Variants in TMTC3 observed in about 807,000 individuals in gnomAD.
TMTC3 encodes the protein transmembrane O-mannosyltransferase targeting cadherins 3, also known as protein O-mannosyl-transferase TMTC3.
In TMTC3, 52 loss-of-function variants were observed where a neutral mutation model predicts 92.2. The observed-to-expected ratio is 0.56, with a 90% CI of 0.45 to 0.71. TMTC3 has a LOEUF of 0.71. TMTC3 is among the 30% of genes least tolerant of loss of function. The probability of loss-of-function intolerance (pLI) is 0.00; values close to 1 mark genes in which losing one functional copy is unlikely to be tolerated. For missense variants in TMTC3, 896 were observed against 1,057.1 expected (o/e 0.85, Z 2.11); for synonymous variants, 339 against 363.3 (o/e 0.93, Z 0.76).
At chr12:88,146,489 C>T (rs369234328) in intron 1 of TMTC3, among the ~76,000 whole-genome samples, 19 of 151,582 alleles carry the variant, frequency 1.3e-4, no homozygotes, top group African/African-American at 4.6e-4. Context: ...AGAAATCTAC[C>T]CTTTAAAAGC....
chr12:88,173,011 A>C, intron 8 of TMTC3: 1 of 1,372,000 alleles, frequency 7.3e-7, no homozygotes, highest in Non-Finnish European at 9.6e-7. Context: ...GAAAACAAGG[A>C]TGTTACTGAG....
intron 4 of TMTC3, among the ~76,000 whole-genome samples, chr12:88,155,680 C>G (rs1317214973): frequency 6.6e-6 from 1 of 152,184 alleles, no homozygotes; most frequent in Non-Finnish European, 1.5e-5. Flanking sequence ...GTATTTCTGT[C>G]TTAGAAAAGC....
At chr12:88,150,237 C>A (rs2040925747) in intron 2 of TMTC3, among the ~76,000 whole-genome samples, 1 of 152,102 alleles carries the variant, frequency 6.6e-6, no homozygotes, top group African/African-American at 2.4e-5. Context: ...AAAGCAGGAG[C>A]AAGAGGAGTA....
At chr12:88,185,451 C>A (rs74904808) in intron 10 of TMTC3, among the ~76,000 whole-genome samples, 1 of 151,774 alleles carries the variant, frequency 6.6e-6, no homozygotes, top group African/African-American at 2.4e-5. Flanking sequence ...TATTCCTTCA[C>A]GTAGATATAC....
intron 1 of TMTC3, among the ~76,000 whole-genome samples, chr12:88,146,167 C>T (rs1367382267): frequency 6.6e-6 from 1 of 152,126 alleles, no homozygotes; most frequent in African/African-American, 2.4e-5. Flanking sequence ...TTGCAGGTGG[C>T]TCTTGGAAGT....
At chr12:88,146,776 G>A (rs2468226) in intron 1 of TMTC3, among the ~76,000 whole-genome samples, 139,774 of 150,682 alleles carry the variant, frequency 0.93, 64,945 homozygotes, top group East Asian at 0.99. Flanking sequence ...AATAAAACTT[G>A]AAACTATAGC....
At chr12:88,182,597 G>A (rs1408575432) in intron 10 of TMTC3, among the ~76,000 whole-genome samples, 1 of 152,096 alleles carries the variant, frequency 6.6e-6, no homozygotes, top group Non-Finnish European at 1.5e-5. Context: ...ACTTTTTCAG[G>A]TGCTATGACT....
chr12:88,191,710 C>CTGTT (rs34463654), intron 12 of TMTC3, among the ~76,000 whole-genome samples: 6,595 of 151,500 alleles, frequency 0.044, 229 homozygotes, highest in Non-Finnish European at 0.067. Flanking sequence ...AGTCCTTTTT[C>CTGTT]TGTTTGTTTG....
intron 10 of TMTC3, among the ~76,000 whole-genome samples, chr12:88,188,157 A>G (rs1015141478): frequency 6.6e-6 from 1 of 152,174 alleles, no homozygotes; most frequent in African/African-American, 2.4e-5. Context: ...AAGTAATACT[A>G]TTATCATTAT....
At chr12:88,144,154 A>C (rs1254218065) in intron 1 of TMTC3, among the ~76,000 whole-genome samples, 2 of 152,174 alleles carry the variant, frequency 1.3e-5, no homozygotes, top group Non-Finnish European at 2.9e-5. Context: ...TATGATCAGT[A>C]TCTTGTGCCC....
intron 6 of TMTC3, among the ~76,000 whole-genome samples, chr12:88,161,501 G>T (rs1312860527): frequency 6.6e-6 from 1 of 151,808 alleles, no homozygotes; most frequent in East Asian, 1.9e-4. Context: ...TTGTTGTTTG[G>T]TCAGATAATC....
intron 10 of TMTC3, among the ~76,000 whole-genome samples, chr12:88,177,970 C>G (rs1349029243): frequency 6.6e-6 from 1 of 152,126 alleles, no homozygotes; most frequent in South Asian, 2.1e-4. Context: ...AACAGGGAGC[C>G]AGGGTCTGTG....
chr12:88,193,979 G>A (rs956693498), intron 13 of TMTC3, among the ~76,000 whole-genome samples: 1 of 151,930 alleles, frequency 6.6e-6, no homozygotes, highest in Non-Finnish European at 1.5e-5. Flanking sequence ...CTAACACTTA[G>A]GGAGGCCAGG....
At position 88,154,278 on chromosome 12, in the gene TMTC3, T is replaced by C; in HGVS notation, c.409-10T>C. The C allele has an allele frequency of 6.3e-7, 1 of 1,582,536 alleles. No homozygotes were observed. Among genetic ancestry groups the C allele is most frequent in the East Asian group, 2.3e-5 (1 of 44,146 alleles). ...TATTAATATGAACCCCCTTCATTTT[T>C]CCTTTCTAGGTAACAGGAGTTGTTG... On this transcript the variant is annotated splice_polypyrimidine_tract_variant and intron_variant, in intron 3 of 13. Coordinates refer to ENST00000266712, the MANE Select transcript of TMTC3 (RefSeq NM_181783.4).
rs570964459 is a variant in TMTC3, at chr12:88,148,942, C to T, written c.189+438C>T. Among the ~76,000 whole-genome samples the T allele has an allele frequency of 2.0e-5, 3 of 152,174 alleles. No homozygotes were observed. The South Asian group carries it at 6.2e-4, about 32-fold the overall frequency. ...TATAGGGAGAGCAATAGGTGTAATA[C>T]ATGCCTGTTTCTTGCTAATTGACTT... On this transcript the variant is annotated intron_variant, in intron 2 of 13. Transcript: ENST00000266712.
intron 4 of TMTC3, among the ~76,000 whole-genome samples, chr12:88,155,878 A>G (rs2041002922): frequency 6.6e-6 from 1 of 152,098 alleles, no homozygotes; most frequent in Non-Finnish European, 1.5e-5. Flanking sequence ...TGGGAGGCTG[A>G]GGTGGGCGGA....
At position 88,154,391 on chromosome 12, in the gene TMTC3, CAT is replaced by C. The variant is rs776628747; in HGVS notation, c.508+5_508+6del. 19 of 1,565,498 alleles carry C rather than the reference CAT, an allele frequency of 1.2e-5. No individual in the cohort carries two copies. The highest frequency in any genetic ancestry group is 1.5e-5 in the Non-Finnish European group (18 of 1,161,772). ...AAAGGACCAGACAATTCCATAAGTACATGTCTCACATTTGATTTTTTTTTAAT... is the reference window on the plus strand; with the variant it reads ...AAAGGACCAGACAATTCCATAAGTACGTCTCACATTTGATTTTTTTTTAAT... On this transcript the variant is annotated splice_donor_5th_base_variant and intron_variant, in intron 4 of 13. Coordinates refer to ENST00000266712, the MANE Select transcript of TMTC3 (RefSeq NM_181783.4).
intron 7 of TMTC3, among the ~76,000 whole-genome samples, chr12:88,167,870 G>C (rs2041163446): frequency 6.6e-6 from 1 of 152,140 alleles, no homozygotes. Context: ...TTGAAACCAG[G>C]ATGTAGATAA....
intron 13 of TMTC3, among the ~76,000 whole-genome samples, chr12:88,194,132 G>A (rs914839346): frequency 1.3e-5 from 2 of 152,092 alleles, no homozygotes; most frequent in African/African-American, 4.8e-5. Flanking sequence ...CAAGGTGGGA[G>A]GATTGCTTGA....
Sources: allele counts gnomAD v4.1 joint callset (sites outside exome capture counted in the v4.1 genomes callset), GRCh38; gene constraint gnomAD v4.1.1; transcripts MANE v1.5; gene names NCBI Gene and HGNC (gene_info 2026-07-23, HGNC 2026-07-21).